Variants in GRHL2 observed in about 807,000 individuals in gnomAD.
The protein encoded by GRHL2 is grainyhead like transcription factor 2, also known as grainyhead-like protein 2 homolog.
A neutral mutation model predicts 83.8 loss-of-function variants in GRHL2; 21 were observed. The ratio of observed to expected loss-of-function variants is 0.25; its 90% CI spans 0.18 to 0.36. The LOEUF is 0.36. Among genes scored for constraint, GRHL2 ranks in the 10% least tolerant of loss-of-function variants. The pLI, the probability that GRHL2 is intolerant of heterozygous loss-of-function variation, is 1.00. For missense variants in GRHL2, 623 were observed against 781.8 expected (o/e 0.80, Z 2.42); for synonymous variants, 280 against 278.9 (o/e 1.00, Z -0.04).
intron 7 of GRHL2, among the ~76,000 whole-genome samples, chr8:101,593,536 A>T (rs1298144977): frequency 6.6e-6 from 1 of 152,174 alleles, no homozygotes; most frequent in Non-Finnish European, 1.5e-5. Flanking sequence ...GGTAACTATC[A>T]TTGCAAAAAG....
intron 9 of GRHL2, among the ~76,000 whole-genome samples, chr8:101,629,294 C>T (rs79487786): frequency 0.014 from 2,025 of 147,510 alleles, 44 homozygotes; most frequent in African/African-American, 0.047. Context: ...TTGCTAAAGC[C>T]TCAGTGTGTA....
At chr8:101,575,206 C>CT (rs571423616) in intron 6 of GRHL2, among the ~76,000 whole-genome samples, 181 of 144,586 alleles carry the variant, frequency 1.3e-3, no homozygotes, top group East Asian at 5.0e-3. Flanking sequence ...AATAAATTAG[C>CT]TTTTTTTTTT....
At chr8:101,577,867 A>T (rs1319168984) in intron 7 of GRHL2, among the ~76,000 whole-genome samples, 1 of 152,216 alleles carries the variant, frequency 6.6e-6, no homozygotes, top group African/African-American at 2.4e-5. Flanking sequence ...TATCCCTGTG[A>T]CATAAATAAA....
Position 101,669,195 on chromosome 8 carries a change from CAAAT to C in GRHL2, c.*2495_*2498del, listed in dbSNP as rs1814148342. On this transcript the variant is annotated 3_prime_UTR_variant, in exon 16 of 16. Transcript: ENST00000646743. ...TTCTTTTTTGTCCCTTAATCAAACTCAAATAAGCTTAAAAAAAATCCATGGAAGA... is the reference window on the plus strand; with the variant it reads ...TTCTTTTTTGTCCCTTAATCAAACTCAAGCTTAAAAAAAATCCATGGAAGA... 1 of 144,472 alleles carries C rather than the reference CAAAT, an allele frequency of 6.9e-6. No individual in the cohort carries two copies. The highest frequency in any genetic ancestry group is 1.5e-5 in the Non-Finnish European group (1 of 66,284). 8.9% of individuals were successfully genotyped at this position (144,472 alleles called of 1,614,324 possible).
intron 15 of GRHL2, among the ~76,000 whole-genome samples, chr8:101,664,827 G>T (rs1047123834): frequency 6.6e-6 from 1 of 152,070 alleles, no homozygotes; most frequent in Non-Finnish European, 1.5e-5. Flanking sequence ...CTTTCTGCAG[G>T]GAGTGGAGTT....
At chr8:101,533,338 C>A (rs186234598) in intron 1 of GRHL2, among the ~76,000 whole-genome samples, 5 of 152,212 alleles carry the variant, frequency 3.3e-5, no homozygotes, top group Non-Finnish European at 5.9e-5. Flanking sequence ...AAGAATGCAG[C>A]TCCTCCCATT....
At chr8:101,560,905 A>G (rs1811594502) in intron 4 of GRHL2, among the ~76,000 whole-genome samples, 1 of 152,134 alleles carries the variant, frequency 6.6e-6, no homozygotes, top group Non-Finnish European at 1.5e-5. Flanking sequence ...TAGGCCCTTC[A>G]TTAGTCACAT....
chr8:101,600,614 G>A (rs1812489886), intron 8 of GRHL2, among the ~76,000 whole-genome samples: 1 of 152,232 alleles, frequency 6.6e-6, no homozygotes, highest in African/African-American at 2.4e-5. Flanking sequence ...GACTAGGATG[G>A]CCACTGAGTC....
At position 101,559,350 on chromosome 8, in the gene GRHL2, A is replaced by C. The variant is rs532737331; in HGVS notation, c.678+538A>C. ...TGGTGAACTCCTGTCTCTACTAAAA[A>C]TACAAAAAAAAAAAAAAAAAAAAAA... On this transcript the variant is annotated intron_variant, in intron 4 of 15. Coordinates refer to ENST00000646743, the MANE Select transcript of GRHL2 (RefSeq NM_024915.4). Among the ~76,000 whole-genome samples, 6 of 83,576 alleles carry C rather than the reference A, an allele frequency of 7.2e-5. No homozygotes were observed. In the South Asian group the frequency reaches 1.5e-3, roughly 21 times the overall value. 54.8% of individuals were successfully genotyped at this position (83,576 alleles called of 152,430 possible). A position where few individuals can be genotyped will look rare whatever the true frequency, so the allele number is the denominator to read the frequency against.
intron 1 of GRHL2, among the ~76,000 whole-genome samples, chr8:101,512,731 G>T (rs545875714): frequency 3.9e-5 from 6 of 152,298 alleles, no homozygotes; most frequent in Admixed American, 6.5e-5. Flanking sequence ...TACGCTGGTC[G>T]GGATTGGCAG....
At position 101,664,432 on chromosome 8, in the gene GRHL2, C is replaced by G. The variant is rs147532846; in HGVS notation, c.1699-22C>G. The G allele has an allele frequency of 4.2e-5, 67 of 1,598,610 alleles. No homozygotes were observed. The East Asian group carries it at 1.5e-3, about 36-fold the overall frequency. ...TGGGCGTCCTTCTGTGCTCATCTGCCTTCTTGTTATTGGTATTACAGATAT... is the reference window on the plus strand; with the variant it reads ...TGGGCGTCCTTCTGTGCTCATCTGCGTTCTTGTTATTGGTATTACAGATAT... On this transcript the variant is annotated intron_variant, in intron 14 of 15. Transcript: ENST00000646743.
At chr8:101,590,029 A>T (rs895713707) in intron 7 of GRHL2, among the ~76,000 whole-genome samples, 3 of 152,188 alleles carry the variant, frequency 2.0e-5, no homozygotes, top group Admixed American at 6.5e-5. Context: ...ATAATAATAA[A>T]AAGATACCAA....
At chr8:101,621,505 T>G (rs1359719407) in intron 9 of GRHL2, among the ~76,000 whole-genome samples, 1 of 151,936 alleles carries the variant, frequency 6.6e-6, no homozygotes, top group Admixed American at 6.6e-5. Context: ...ATATAAAAGA[T>G]AATGCTCTAA....
the GRHL2 span, among the ~76,000 whole-genome samples, chr8:101,676,812 A>G: frequency 6.6e-6 from 1 of 152,206 alleles, no homozygotes; most frequent in Non-Finnish European, 1.5e-5. Context: ...GAACCAACCC[A>G]AATGTCCAAC....
chr8:101,501,619 G>T (rs1810231026), intron 1 of GRHL2, among the ~76,000 whole-genome samples: 2 of 152,156 alleles, frequency 1.3e-5, no homozygotes, highest in African/African-American at 4.8e-5. Flanking sequence ...GGCCTAGGGT[G>T]CGACAGCATG....
At chr8:101,622,097 C>T (rs1238549326) in intron 9 of GRHL2, among the ~76,000 whole-genome samples, 1 of 151,936 alleles carries the variant, frequency 6.6e-6, no homozygotes, top group African/African-American at 2.4e-5. Flanking sequence ...AGCTATTGGA[C>T]TTTTTGAAAA....
At chr8:101,503,098 T>C (rs963945794) in intron 1 of GRHL2, among the ~76,000 whole-genome samples, 26 of 152,226 alleles carry the variant, frequency 1.7e-4, no homozygotes, top group African/African-American at 5.8e-4. Context: ...TACTGTGTTA[T>C]AGAATTTAAA....
chr8:101,660,433 CT>C (rs1341774253), intron 14 of GRHL2, among the ~76,000 whole-genome samples: 1 of 152,182 alleles, frequency 6.6e-6, no homozygotes, highest in Non-Finnish European at 1.5e-5. Context: ...CAGTGCTTTT[CT>C]TTTAAACACC....
intron 1 of GRHL2, among the ~76,000 whole-genome samples, chr8:101,513,413 ATTG>A (rs372249385): frequency 1.7e-3 from 257 of 150,240 alleles, no homozygotes; most frequent in African/African-American, 5.4e-3. Flanking sequence ...AAATGTTCTC[ATTG>A]TTGTTATTGT....
Sources: allele counts gnomAD v4.1 joint callset (sites outside exome capture counted in the v4.1 genomes callset), GRCh38; gene constraint gnomAD v4.1.1; transcripts MANE v1.5; gene names NCBI Gene and HGNC (gene_info 2026-07-23, HGNC 2026-07-21).